BIRC6: variants seen among roughly 807,000 people sequenced by gnomAD.
The protein encoded by BIRC6 is baculoviral IAP repeat containing 6, also known as dual E2 ubiquitin-conjugating enzyme/E3 ubiquitin-protein ligase BIRC6.
A neutral mutation model predicts 503.3 loss-of-function variants in BIRC6; 98 were observed. The ratio of observed to expected loss-of-function variants is 0.19; its 90% CI spans 0.17 to 0.23. The LOEUF is 0.23. Ranked by LOEUF, BIRC6 falls within the 10% of genes least tolerant of loss-of-function variation. The pLI is 1.00. For synonymous variants in BIRC6, 2,240 were observed against 2,078.7 expected (o/e 1.08, Z -2.11); for missense variants, 5,360 against 5,806.0 (o/e 0.92, Z 2.50).
rs915767636 is a variant in BIRC6 at position 32,456,589 on chromosome 2, T to C, written c.4753+2647T>C. On this transcript the variant is annotated intron_variant, in intron 23 of 73. Coordinates refer to ENST00000421745, the MANE Select transcript of BIRC6 (RefSeq NM_016252.4). ...TTGCTACTGGTTCCTCTTTAAATACTGTGGAGTCAAATACTCAGAGTATTG... is the reference window on the plus strand; with the variant it reads ...TTGCTACTGGTTCCTCTTTAAATACCGTGGAGTCAAATACTCAGAGTATTG... 3.9e-5 allele frequency among the ~76,000 whole-genome samples: 6 copies of C among 152,250 alleles called. 1 individual carries two copies. Among genetic ancestry groups the C allele is most frequent in the Admixed American group, 3.3e-4 (5 of 15,288 alleles).
At chr2:32,421,430 T>C (rs551867093) in intron 10 of BIRC6, among the ~76,000 whole-genome samples, 2 of 152,270 alleles carry the variant, frequency 1.3e-5, no homozygotes, top group East Asian at 3.9e-4. Context: ...AGTAGAAGCT[T>C]ATTGGTTTGA....
At chr2:32,617,674 G>C (rs186828642) in intron 73 of BIRC6, 51 bp from the exon 74 acceptor site, 2 of 1,536,042 alleles carry the variant, frequency 1.3e-6, no homozygotes, top group East Asian at 2.3e-5. Flanking sequence ...CTCAAATGAT[G>C]TTGTGCTAGA....
At chr2:32,380,409 A>G (rs1179974648) in intron 3 of BIRC6, 119 bp downstream of exon 3, 4 of 1,318,408 alleles carry the variant, frequency 3.0e-6, no homozygotes, top group African/African-American at 1.5e-5. Context: ...TCTTTTAAAA[A>G]GCAGAATGTG....
At position 32,458,016 on chromosome 2, in the gene BIRC6, T is replaced by G. The variant is rs934079077; in HGVS notation, c.4753+4074T>G. On this transcript the variant is annotated intron_variant, in intron 23 of 73. Coordinates refer to ENST00000421745, the MANE Select transcript of BIRC6 (RefSeq NM_016252.4). ...CAATCAGTTTTGCAGTGTCATCTGA[T>G]TTTCAATACATGATTAAACAATATA... is the stretch of plus-strand genomic sequence containing the variant. Among the ~76,000 whole-genome samples, 7 of 152,180 alleles carry G rather than the reference T, an allele frequency of 4.6e-5. No individual in the cohort carries two copies. The East Asian group carries it at 7.7e-4, about 17-fold the overall frequency.
At position 32,540,501 on chromosome 2, in the gene BIRC6, T is replaced by G. The variant is rs189025317; in HGVS notation, c.12292-2740T>G. Among the ~76,000 whole-genome samples the G allele has an allele frequency of 2.9e-3, 448 of 152,138 alleles. 2 individuals carry two copies. The highest frequency in any genetic ancestry group is 0.01 in the African/African-American group (429 of 41,560). On this transcript the variant is annotated intron_variant, in intron 61 of 73. Coordinates refer to ENST00000421745, the MANE Select transcript of BIRC6 (RefSeq NM_016252.4). ...TTATCCTAGTATATCAGAAATAAAA[T>G]TTCTTTGTTGTTAATTGAGCAAAAA... is the stretch of plus-strand genomic sequence containing the variant.
intron 65 of BIRC6, among the ~76,000 whole-genome samples, chr2:32,563,041 C>T (rs1352738443): frequency 6.6e-6 from 1 of 152,174 alleles, no homozygotes; most frequent in African/African-American, 2.4e-5. Context: ...CTTTGTTCTT[C>T]AATGTTGTGC....
chr2:32,465,523 A>G (rs903948632), intron 26 of BIRC6, among the ~76,000 whole-genome samples: 3 of 152,162 alleles, frequency 2.0e-5, no homozygotes, highest in Non-Finnish European at 4.4e-5. Flanking sequence ...TCTTGAGAAG[A>G]GCAAACAGAA....
chr2:32,440,795 C>T (rs1310552382), intron 16 of BIRC6, among the ~76,000 whole-genome samples: 1 of 137,698 alleles, frequency 7.3e-6, no homozygotes, highest in Non-Finnish European at 1.6e-5. Flanking sequence ...CAGAGTCTTG[C>T]TCTGTTGCCC....
chr2:32,557,306 A>T (rs372229507), intron 65 of BIRC6: 1 of 152,202 alleles, frequency 6.6e-6, no homozygotes, highest in African/African-American at 2.4e-5. Context: ...TCAGTAGATT[A>T]CTAGAGGCTT....
intron 39 of BIRC6, among the ~76,000 whole-genome samples, chr2:32,483,035 A>C (rs1188386842): frequency 1.3e-5 from 2 of 150,938 alleles, no homozygotes; most frequent in African/African-American, 4.9e-5. Context: ...CTCTTGCCTC[A>C]GCCTCTTGAG....
At chr2:32,378,795 A>G (rs1038496659) in intron 2 of BIRC6, among the ~76,000 whole-genome samples, 4 of 152,200 alleles carry the variant, frequency 2.6e-5, no homozygotes, top group Non-Finnish European at 4.4e-5. Flanking sequence ...ATGTCTTTCA[A>G]TAACTTGAGT....
At chr2:32,412,663 T>C (rs1486190611) in intron 9 of BIRC6, among the ~76,000 whole-genome samples, 1 of 152,108 alleles carries the variant, frequency 6.6e-6, no homozygotes, top group Non-Finnish European at 1.5e-5. Context: ...AGTTATTTTT[T>C]TTTTTCTAAA....
Position 32,409,154 on chromosome 2 carries a change from TTTTTTG to T in BIRC6, c.1477+2614_1477+2619del, listed in dbSNP as rs370905726. On this transcript the variant is annotated intron_variant, in intron 9 of 73. Transcript: ENST00000421745. Reference sequence around the variant, plus strand: ...TATGAAATATATTTATTTTCTGTTTTTTTTTGTTTTTGTTTTTGTTTTGAGATGGAG... The same window carrying T: ...TATGAAATATATTTATTTTCTGTTTTTTTTTGTTTTTGTTTTGAGATGGAG... Among the ~76,000 whole-genome samples the T allele has an allele frequency of 5.0e-3, 756 of 152,264 alleles. 4 individuals are homozygous for T. The highest frequency in any genetic ancestry group is 8.2e-3 in the Non-Finnish European group (556 of 68,016).
chr2:32,375,743 C>CTTTT (rs34370291), intron 1 of BIRC6, among the ~76,000 whole-genome samples: 1 of 138,380 alleles, frequency 7.2e-6, no homozygotes, highest in African/African-American at 2.7e-5. Flanking sequence ...CTTTCTCTCT[C>CTTTT]TTTTTTTTTT....
At chr2:32,385,917 G>A (rs1418017594) in intron 3 of BIRC6, among the ~76,000 whole-genome samples, 4 of 152,146 alleles carry the variant, frequency 2.6e-5, no homozygotes, top group Non-Finnish European at 5.9e-5. Context: ...AGTCTGGAGG[G>A]AATATCCTGA....
intron 45 of BIRC6, among the ~76,000 whole-genome samples, chr2:32,494,799 A>C (rs1393685334): frequency 6.6e-6 from 1 of 152,086 alleles, no homozygotes; most frequent in African/African-American, 2.4e-5. Context: ...AATCCCAGCT[A>C]CTGTGGAGCC....
intron 54 of BIRC6, among the ~76,000 whole-genome samples, chr2:32,514,334 C>G (rs1253972440): frequency 2.0e-5 from 3 of 152,118 alleles, no homozygotes; most frequent in African/African-American, 4.8e-5. Flanking sequence ...CAAAAAAGAA[C>G]AAAAATGTAA....
chr2:32,504,078 T>TGTGTGTGTGTGTGTG (rs1558912926), intron 49 of BIRC6, among the ~76,000 whole-genome samples: 1 of 98,812 alleles, frequency 1.0e-5, no homozygotes, highest in Non-Finnish European at 2.1e-5. Flanking sequence ...GTGTGTGTGT[T>TGTGTGTGTGTGTGTG]TAGTAGAGAT....
At chr2:32,439,162 C>T (rs1279475248) in intron 15 of BIRC6, among the ~76,000 whole-genome samples, 2 of 151,684 alleles carry the variant, frequency 1.3e-5, no homozygotes, top group East Asian at 3.9e-4. Context: ...TAGATGATAG[C>T]TTAATGACAG....
Sources: gnomAD v4.1 joint callset for allele counts (sites outside exome capture counted in the v4.1 genomes callset) on GRCh38, gnomAD v4.1.1 for gene constraint, MANE v1.5 for transcripts, NCBI Gene and HGNC (gene_info 2026-07-23, HGNC 2026-07-21) for gene names.